CENPQ: variants seen among roughly 807,000 people sequenced by gnomAD.
CENPQ encodes chromosome 6 open reading frame 139.
Under a neutral mutation model 36.6 loss-of-function variants are expected in CENPQ, and 27 were observed. The observed-to-expected ratio is 0.74, with a 90% confidence interval of 0.54 to 1.02. CENPQ has a LOEUF of 1.02. Ranked by LOEUF, CENPQ falls within the 50% of genes least tolerant of loss-of-function variation. The pLI, the probability that CENPQ is intolerant of heterozygous loss-of-function variation, is 0.00. For missense variants in CENPQ, 306 were observed against 301.8 expected (o/e 1.01, Z -0.10); for synonymous variants, 101 against 101.7 (o/e 0.99, Z 0.04).
At chr6:49,468,627 G>A (rs1045297127) in intron 1 of CENPQ, among the ~76,000 whole-genome samples, 18 of 152,090 alleles carry the variant, frequency 1.2e-4, no homozygotes, top group African/African-American at 4.3e-4. Context: ...GCAAGAAGAA[G>A]TCAAAGTTGC....
At chr6:49,477,436 G>A (rs1425247535) in intron 5 of CENPQ, among the ~76,000 whole-genome samples, 2 of 125,058 alleles carry the variant, frequency 1.6e-5, no homozygotes, top group Non-Finnish European at 3.3e-5. Context: ...GGGGGGAGGG[G>A]GAGGGATAGA....
intron 1 of CENPQ, among the ~76,000 whole-genome samples, chr6:49,464,274 A>C (rs1172146545): frequency 6.6e-6 from 1 of 152,176 alleles, no homozygotes; most frequent in Non-Finnish European, 1.5e-5. Flanking sequence ...TGTGTAAAAA[A>C]AAATTACATG....
chr6:49,471,922 GTAAAT>G, intron 3 of CENPQ, 136 bp from the exon 4 acceptor site: 9 of 848,892 alleles, frequency 1.1e-5, no homozygotes, highest in Non-Finnish European at 1.5e-5. Context: ...GTGATAAAAA[GTAAAT>G]TAAACAGTTT....
At chr6:49,491,601 T>C (rs991194559) in intron 8 of CENPQ, among the ~76,000 whole-genome samples, 1 of 152,176 alleles carries the variant, frequency 6.6e-6, no homozygotes, top group Non-Finnish European at 1.5e-5. Flanking sequence ...AGTCTTCATG[T>C]TTTCTCAAGA....
At position 49,492,453 on chromosome 6, in the gene CENPQ, A is replaced by G. The variant is rs2127429070; in HGVS notation, c.*178A>G. On this transcript the variant is annotated 3_prime_UTR_variant, in exon 9 of 9. Transcript: ENST00000335783. ...ATTAGCATCTAATGTAGTTCTGAAG[A>G]CTGTTTTTAGCAGTTGCCAAATCTA... 1.9e-6 allele frequency: 1 copy of G among 528,694 alleles called. No individual in the cohort carries two copies. Among genetic ancestry groups the G allele is most frequent in the East Asian group, 3.6e-5 (1 of 27,820 alleles). The allele number at this position is 528,694 out of a possible 1,614,324, so 32.8% of individuals were successfully genotyped here. A position where few individuals can be genotyped will look rare whatever the true frequency, so the allele number is the denominator to read the frequency against.
At chr6:49,470,722 T>C (rs2127423851) in intron 2 of CENPQ, among the ~76,000 whole-genome samples, 1 of 151,696 alleles carries the variant, frequency 6.6e-6, no homozygotes, top group East Asian at 2.0e-4. Context: ...AAGTGAGTAA[T>C]AATTCATTTA....
At chr6:49,471,651 T>G (rs780593864) in intron 3 of CENPQ, among the ~76,000 whole-genome samples, 12 of 152,182 alleles carry the variant, frequency 7.9e-5, no homozygotes, top group Non-Finnish European at 1.2e-4. Context: ...AGTAGAACAG[T>G]ACCAACAGCA....
At chr6:49,479,116 A>G (rs1768369395) in intron 5 of CENPQ, among the ~76,000 whole-genome samples, 1 of 152,178 alleles carries the variant, frequency 6.6e-6, no homozygotes. Flanking sequence ...CCTAATGATG[A>G]TTTTTCTAAA....
At chr6:49,474,502 C>T (rs568376805) in intron 5 of CENPQ, among the ~76,000 whole-genome samples, 42 of 151,998 alleles carry the variant, frequency 2.8e-4, no homozygotes, top group South Asian at 2.1e-3. Flanking sequence ...AGAATCTCTG[C>T]GACACATTTA....
chr6:49,488,715 G>T, intron 8 of CENPQ, 31 bp downstream of exon 8: 1 of 1,552,708 alleles, frequency 6.4e-7, no homozygotes, highest in Non-Finnish European at 8.9e-7. Flanking sequence ...TTGATTACAG[G>T]CATACTTTAG....
At chr6:49,474,082 C>T (rs1561965929) in intron 5 of CENPQ, among the ~76,000 whole-genome samples, 1 of 152,088 alleles carries the variant, frequency 6.6e-6, no homozygotes. Flanking sequence ...GACTTTAACA[C>T]CCCACTGTCA....
Position 49,472,818 on chromosome 6 carries a change from AAAG to A in CENPQ, c.313_315del (p.Glu105del), listed in dbSNP as rs1446471462. ...AATTTTGAGTAACAGTATTAAAGAA[AAAG>A]AAGAAATACAATACCATCTCAACTT... On this transcript the variant is annotated inframe_deletion, in exon 5 of 9. Transcript: ENST00000335783. 1 of 1,462,262 alleles carries A rather than the reference AAAG, an allele frequency of 6.8e-7. No individual in the cohort carries two copies. The highest frequency in any genetic ancestry group is 9.3e-7 in the Non-Finnish European group (1 of 1,075,658). The allele number at this position is 1,462,262 out of a possible 1,614,324, so 90.6% of individuals were successfully genotyped here. A position where few individuals can be genotyped will look rare whatever the true frequency, so the allele number is the denominator to read the frequency against.
Position 49,470,975 on chromosome 6 carries a change from T to C in CENPQ, c.104T>C (p.Val35Ala). 6.6e-7 allele frequency: 1 copy of C among 1,512,310 alleles called. No individual in the cohort carries two copies. The highest frequency in any genetic ancestry group is 8.9e-7 in the Non-Finnish European group (1 of 1,122,732). 93.7% of individuals were successfully genotyped at this position (1,512,310 alleles called of 1,614,324 possible). A position where few individuals can be genotyped will look rare whatever the true frequency, so the allele number is the denominator to read the frequency against. ...NEEVVLSENKVRNTVKKNKNH... is the reference protein window; with the variant it reads ...NEEVVLSENKARNTVKKNKNH... ...TTATGCATGTGTTTTTCCCTCTAGGTTAGAAACACAGTGAAAAAAAATAAA... is the reference window on the plus strand; with the variant it reads ...TTATGCATGTGTTTTTCCCTCTAGGCTAGAAACACAGTGAAAAAAAATAAA... The change falls in exon 3 of 9, where the codon GTT (valine) becomes GCT (alanine). Residue 35 changes from valine to alanine, a missense_variant and splice_region_variant. Physicochemically the swap from Val to Ala is moderately conservative, Grantham distance 64. Transcript: ENST00000335783.
At chr6:49,464,591 A>G (rs1334176536) in intron 1 of CENPQ, among the ~76,000 whole-genome samples, 2 of 152,302 alleles carry the variant, frequency 1.3e-5, no homozygotes, top group African/African-American at 2.4e-5. Context: ...AACCCCTACC[A>G]TTGCTTTAGC....
chr6:49,476,231 G>T (rs1372165315), intron 5 of CENPQ, among the ~76,000 whole-genome samples: 4 of 152,078 alleles, frequency 2.6e-5, no homozygotes, highest in Non-Finnish European at 4.4e-5. Context: ...CAGAGATAGA[G>T]ACCAATGGAA....
intron 3 of CENPQ, among the ~76,000 whole-genome samples, 160 bp downstream of exon 3, chr6:49,471,188 T>G (rs1457708162): frequency 6.6e-6 from 1 of 152,214 alleles, no homozygotes; most frequent in Non-Finnish European, 1.5e-5. Flanking sequence ...GTTAGTTATT[T>G]TGGTCAACTG....
intron 1 of CENPQ, among the ~76,000 whole-genome samples, chr6:49,466,644 A>C (rs114936904): frequency 1.3e-5 from 2 of 152,136 alleles, no homozygotes; most frequent in East Asian, 3.8e-4. Context: ...ATACCTATTC[A>C]TTTTTATATG....
chr6:49,487,588 G>A lies in CENPQ; in HGVS notation c.478-764G>A, dbSNP rs374030785. On this transcript the variant is annotated intron_variant, in intron 6 of 8. Transcript: ENST00000335783. ...AACTTTATTGCTGAACAAGATTTAA[G>A]AGTTATTACTTATGTATATTTTCTG... is the stretch of plus-strand genomic sequence containing the variant. Among the ~76,000 whole-genome samples the A allele has an allele frequency of 3.3e-5, 5 of 151,874 alleles. No individual in the cohort carries two copies. In the East Asian group the frequency reaches 7.8e-4, roughly 24 times the overall value.
intron 5 of CENPQ, among the ~76,000 whole-genome samples, chr6:49,479,889 A>G (rs185396494): frequency 6.6e-6 from 1 of 152,160 alleles, no homozygotes; most frequent in Admixed American, 6.5e-5. Context: ...CACATAGTGC[A>G]TTTTCTCACA....
Sources: allele counts gnomAD v4.1 joint callset (sites outside exome capture counted in the v4.1 genomes callset), GRCh38; gene constraint gnomAD v4.1.1; transcripts MANE v1.5; gene names NCBI Gene and HGNC (gene_info 2026-07-23, HGNC 2026-07-21).